TMEM230: variants seen among roughly 807,000 people sequenced by gnomAD.
The protein encoded by TMEM230 is UPF0414 transmembrane protein C20orf30.
TMEM230 carries 10 observed loss-of-function variants against 15.8 expected under a neutral mutation model. That is an observed-to-expected ratio of 0.63 (90% CI 0.39 to 1.07). TMEM230 has a LOEUF of 1.07. TMEM230 is among the 50% of genes least tolerant of loss of function. The probability of loss-of-function intolerance (pLI) is 0.01; values close to 1 mark genes in which losing one functional copy is unlikely to be tolerated. For missense variants in TMEM230, 165 were observed against 193.3 expected, an observed-to-expected ratio of 0.85 and a Z score of 0.87; for synonymous variants, 67 against 76.9, an observed-to-expected ratio of 0.87 and a Z score of 0.68.
chr20:5,110,232 T>A (rs2090258050), intron 2 of TMEM230, among the ~76,000 whole-genome samples: 1 of 152,034 alleles, frequency 6.6e-6, no homozygotes, highest in South Asian at 2.1e-4. Context: ...AATTTTTGTA[T>A]TTTTTAAGTA....
chr20:5,064,368 A>G (rs913171858), downstream of TMEM230, among the ~76,000 whole-genome samples: 1 of 151,526 alleles, frequency 6.6e-6, no homozygotes, highest in African/African-American at 2.4e-5. Context: ...CCTGAGTTCG[A>G]GAGTTCAAGA....
chr20:5,096,122 C>T (rs1354256051), downstream of TMEM230, among the ~76,000 whole-genome samples: 2 of 152,206 alleles, frequency 1.3e-5, no homozygotes, highest in African/African-American at 4.8e-5. Context: ...TCGCTCCTGC[C>T]GCTGGCTCTG....
chr20:5,074,073 C>G (rs1478747261), intron 3 of TMEM230, among the ~76,000 whole-genome samples: 1 of 152,134 alleles, frequency 6.6e-6, no homozygotes, highest in African/African-American at 2.4e-5. Flanking sequence ...GAACTCAGAG[C>G]AAGAGCTCAC....
At chr20:5,098,310 G>A (rs1464897711), downstream of TMEM230, 1 of 152,138 alleles carries the variant, frequency 6.6e-6, no homozygotes, top group Non-Finnish European at 1.5e-5. Flanking sequence ...AATGAGATAT[G>A]TAATGAAAGT....
intron 3 of TMEM230, among the ~76,000 whole-genome samples, chr20:5,081,156 C>T (rs2089162909): frequency 1.3e-5 from 2 of 152,216 alleles, no homozygotes; most frequent in African/African-American, 4.8e-5. Flanking sequence ...CTAGAAGTCT[C>T]TAGATGCAGA....
At position 5,109,460 on chromosome 20, in the gene TMEM230, C is replaced by T. The variant is rs1568509424; in HGVS notation, c.175-15G>A. The T allele has an allele frequency of 1.3e-6, 2 of 1,596,426 alleles. No homozygotes were observed. The highest frequency in any genetic ancestry group is 1.1e-5 in the South Asian group (1 of 90,290). On this transcript the variant is annotated splice_polypyrimidine_tract_variant and intron_variant, in intron 2 of 4. Coordinates refer to ENST00000342308, the MANE Select transcript of TMEM230 (RefSeq NM_001009923.2). ...CGCTGACACAGCTACAGTTTAAAAA[C>T]AAAAAACCCGTTATTGTCTGTAGAT... is the stretch of plus-strand genomic sequence containing the variant.
At chr20:5,097,899 C>T (rs774188814), downstream of TMEM230, among the ~76,000 whole-genome samples, 125 of 151,362 alleles carry the variant, frequency 8.3e-4, no homozygotes, top group African/African-American at 1.2e-3. Flanking sequence ...CGTGAGCCAC[C>T]GTACCAGGCC....
rs1015826213 is a variant in TMEM230 at position 5,094,821 on chromosome 20, C to T, written c.222+11367G>A. On this transcript the variant is annotated intron_variant, in intron 3 of 3. Coordinates refer to the TMEM230 transcript ENST00000612323. ...CTAAGTAGTTAGGACTACAGTTGCT[C>T]GCCACCATGCCCAGTGCCATCAGTA... Among the ~76,000 whole-genome samples the T allele has an allele frequency of 4.0e-5, 6 of 151,768 alleles. No homozygotes were observed. In the East Asian group the frequency reaches 5.8e-4, roughly 15 times the overall value.
downstream of TMEM230, among the ~76,000 whole-genome samples, chr20:5,097,340 G>T (rs1168239081): frequency 6.6e-6 from 1 of 152,202 alleles, no homozygotes; most frequent in African/African-American, 2.4e-5. Context: ...ATCATATGCA[G>T]AACAGCTGAA....
At chr20:5,069,077 A>C in exon 4 of TMEM230, 4 of 932,918 alleles carry the variant, frequency 4.3e-6, no homozygotes, top group Non-Finnish European at 6.3e-6. Context: ...TAGTAGGAGA[A>C]GCTCTCTGCT....
intron 4 of TMEM230, among the ~76,000 whole-genome samples, chr20:5,102,786 T>C (rs73602851): frequency 4.7e-4 from 72 of 151,890 alleles, no homozygotes; most frequent in African/African-American, 1.7e-3. Flanking sequence ...AGGCCAGTTT[T>C]ACCCTGATAC....
chr20:5,110,863 AATC>A (rs1305809382), intron 2 of TMEM230, among the ~76,000 whole-genome samples: 1 of 152,206 alleles, frequency 6.6e-6, no homozygotes, highest in Non-Finnish European at 1.5e-5. Context: ...AAGTTTGAAA[AATC>A]ATAACATTTA....
intron 3 of TMEM230, among the ~76,000 whole-genome samples, chr20:5,071,440 C>G (rs1239659708): frequency 1.3e-5 from 2 of 151,866 alleles, no homozygotes; most frequent in African/African-American, 2.4e-5. Flanking sequence ...GCCTGGCCAA[C>G]AAGGAGACAC....
chr20:5,105,173 T>C (rs2090021197), intron 4 of TMEM230, among the ~76,000 whole-genome samples: 1 of 152,032 alleles, frequency 6.6e-6, no homozygotes, highest in Non-Finnish European at 1.5e-5. Flanking sequence ...TAGTCCCAGC[T>C]AACTCAGGAG....
chr20:5,067,166 G>A (rs1250883703), downstream of TMEM230: 2 of 151,848 alleles, frequency 1.3e-5, no homozygotes, highest in Admixed American at 6.6e-5. Flanking sequence ...AGATGCTTCA[G>A]AATTATCCGG....
chr20:5,108,470 T>C (rs1350682852), intron 3 of TMEM230, among the ~76,000 whole-genome samples: 1 of 148,550 alleles, frequency 6.7e-6, no homozygotes, highest in African/African-American at 2.5e-5. Context: ...TTATTCCAAA[T>C]GATTAGTTGT....
intron 3 of TMEM230, among the ~76,000 whole-genome samples, chr20:5,079,236 G>C (rs566865769): frequency 6.6e-6 from 1 of 152,252 alleles, no homozygotes; most frequent in South Asian, 2.1e-4. Flanking sequence ...GAATCCTCCT[G>C]CCTCAGCCTT....
chr20:5,076,121 A>T (rs1164703419), intron 3 of TMEM230, among the ~76,000 whole-genome samples: 1 of 151,622 alleles, frequency 6.6e-6, no homozygotes, highest in Non-Finnish European at 1.5e-5. Context: ...AAAAAAAAAA[A>T]TTGCAGCAAT....
chr20:5,099,912 T>C lies in TMEM230; in HGVS notation c.*879A>G. On this transcript the variant is annotated 3_prime_UTR_variant, in exon 5 of 5. Transcript: ENST00000342308. ...TTTCAACATTTTAATTTCTTTGGAATATAAGTCACTTTTTGCAAGCTAAAA... is the reference window on the plus strand; with the variant it reads ...TTTCAACATTTTAATTTCTTTGGAACATAAGTCACTTTTTGCAAGCTAAAA... The C allele has an allele frequency of 1.0e-6, 1 of 984,310 alleles. No homozygotes were observed. Among genetic ancestry groups the C allele is most frequent in the Non-Finnish European group, 1.2e-6 (1 of 828,902 alleles). The allele number at this position is 984,310 out of a possible 1,614,324, so 61.0% of individuals were successfully genotyped here. A position where few individuals can be genotyped will look rare whatever the true frequency, so the allele number is the denominator to read the frequency against.
Sources: allele counts gnomAD v4.1 joint callset (sites outside exome capture counted in the v4.1 genomes callset), GRCh38; gene constraint gnomAD v4.1.1; transcripts MANE v1.5; gene names NCBI Gene and HGNC (gene_info 2026-07-23, HGNC 2026-07-21).